The following NEBL variants were observed in gnomAD, a reference collection of about 807,000 sequenced individuals.
NEBL encodes the protein LIM and SH3 protein 2.
Under a neutral mutation model 140.2 loss-of-function variants are expected in NEBL, and 122 were observed. That is an observed-to-expected ratio of 0.87 (90% CI 0.75 to 1.01). The LOEUF is 1.01. NEBL is among the 50% of genes least tolerant of loss of function. NEBL has a pLI of 0.00. For synonymous variants in NEBL, 436 were observed against 398.9 expected, an observed-to-expected ratio of 1.09 and a Z score of -1.11; for missense variants, 1,365 against 1,231.3, an observed-to-expected ratio of 1.11 and a Z score of -1.62.
At chr10:20,913,868 G>T (rs745443387) in intron 4 of NEBL, among the ~76,000 whole-genome samples, 1 of 152,114 alleles carries the variant, frequency 6.6e-6, no homozygotes, top group Non-Finnish European at 1.5e-5. Flanking sequence ...AGCCATTTAT[G>T]TTCAAAAACT....
intron 2 of NEBL, among the ~76,000 whole-genome samples, chr10:21,099,977 A>G (rs1837396343): frequency 6.6e-6 from 1 of 152,230 alleles, no homozygotes; most frequent in African/African-American, 2.4e-5. Context: ...AAAATAAAAT[A>G]AAATAAAAAC....
intron 3 of NEBL, among the ~76,000 whole-genome samples, chr10:21,228,777 C>A (rs1221161244): frequency 6.6e-6 from 1 of 151,976 alleles, no homozygotes; most frequent in South Asian, 2.1e-4. Context: ...GTAATTGTAC[C>A]TTATGAAACC....
chr10:20,937,813 G>A (rs902690736), intron 4 of NEBL, among the ~76,000 whole-genome samples: 1 of 152,050 alleles, frequency 6.6e-6, no homozygotes, highest in African/African-American at 2.4e-5. Flanking sequence ...GGCTCAGAGG[G>A]TCCTACACCC....
intron 18 of NEBL, 125 bp from the exon 19 acceptor site, chr10:20,823,425 C>T (rs1045055854): frequency 1.5e-5 from 10 of 674,770 alleles, no homozygotes; most frequent in Non-Finnish European, 2.4e-5. Context: ...TTTTCCTTCA[C>T]TGGGGACATA....
chr10:21,012,541 T>C (rs1007766020), intron 3 of NEBL, among the ~76,000 whole-genome samples: 1 of 151,620 alleles, frequency 6.6e-6, no homozygotes, highest in Admixed American at 6.6e-5. Context: ...TTTTTATTTG[T>C]TATTTTTTTT....
intron 4 of NEBL, among the ~76,000 whole-genome samples, chr10:20,910,761 C>T (rs546438035): frequency 1.6e-4 from 25 of 152,110 alleles, no homozygotes; most frequent in Non-Finnish European, 2.9e-4. Context: ...AATTCAAAGA[C>T]GAAAACCTCA....
intron 2 of NEBL, chr10:21,029,224 G>T: frequency 6.8e-7 from 1 of 1,478,750 alleles, no homozygotes. Context: ...CCTTCCCACT[G>T]CTCCACCGGC....
chr10:20,894,594 A>G (rs1381251729), intron 2 of NEBL, among the ~76,000 whole-genome samples: 1 of 151,996 alleles, frequency 6.6e-6, no homozygotes, highest in African/African-American at 2.4e-5. Flanking sequence ...TCGGAAGCAA[A>G]ATGTGAATGT....
intron 2 of NEBL, among the ~76,000 whole-genome samples, chr10:21,086,599 G>A (rs1303326300): frequency 6.6e-6 from 1 of 152,058 alleles, no homozygotes; most frequent in African/African-American, 2.4e-5. Context: ...GCAACATGGT[G>A]AAACCCTATC....
At chr10:20,795,009 A>C (rs1020392074) in intron 26 of NEBL, among the ~76,000 whole-genome samples, 8 of 152,238 alleles carry the variant, frequency 5.3e-5, no homozygotes, top group African/African-American at 1.7e-4. Flanking sequence ...ATTTAATGCC[A>C]AAAATCTGAC....
rs149929630 is a variant in NEBL, at chr10:21,031,253, A to G, written c.165-11052T>C. 9.2e-4 allele frequency among the ~76,000 whole-genome samples: 140 copies of G among 152,324 alleles called. No homozygotes were observed. The Middle Eastern group carries it at 0.01, about 11-fold the overall frequency. ...ATGATGAACCCTATGGGGGTCACCC[A>G]TCACCTGCTCACCATGAGAAAGCTG... On this transcript the variant is annotated intron_variant, in intron 2 of 6. Transcript: ENST00000417816.
intron 2 of NEBL, among the ~76,000 whole-genome samples, chr10:21,094,110 A>C (rs1240442363): frequency 6.6e-6 from 1 of 152,172 alleles, no homozygotes; most frequent in Non-Finnish European, 1.5e-5. Flanking sequence ...TAATGCCAAC[A>C]CTTTGGGAGG....
intron 2 of NEBL, among the ~76,000 whole-genome samples, chr10:21,153,523 A>G (rs114272328): frequency 0.014 from 2,162 of 150,758 alleles, 48 homozygotes; most frequent in African/African-American, 0.049. Flanking sequence ...AAACAAATAT[A>G]TATATTATAT....
At chr10:20,910,973 G>T (rs1174000412) in intron 4 of NEBL, among the ~76,000 whole-genome samples, 2 of 151,904 alleles carry the variant, frequency 1.3e-5, no homozygotes, top group Non-Finnish European at 2.9e-5. Context: ...TTCAAGAACA[G>T]CCTGGGCAAC....
intron 2 of NEBL, among the ~76,000 whole-genome samples, chr10:20,893,948 C>T (rs1847233684): frequency 6.6e-6 from 1 of 152,198 alleles, no homozygotes; most frequent in South Asian, 2.1e-4. Context: ...CTTTCTGCAG[C>T]TCCCAAGTCT....
chr10:20,959,476 A>G lies in NEBL; in HGVS notation c.357+2196T>C, dbSNP rs542530656. Among the ~76,000 whole-genome samples the G allele has an allele frequency of 5.9e-5, 9 of 152,238 alleles. No individual in the cohort carries two copies. The South Asian group carries it at 1.9e-3, about 32-fold the overall frequency. On this transcript the variant is annotated intron_variant, in intron 4 of 6. Coordinates refer to the NEBL transcript ENST00000417816. ...AGATTAAAGTAATATGGAAAACTGG[A>G]CTTGCCAAAGTACTACTTTTTGGAT...
intron 2 of NEBL, among the ~76,000 whole-genome samples, chr10:21,058,135 A>G (rs2131870294): frequency 6.6e-6 from 1 of 152,316 alleles, no homozygotes; most frequent in South Asian, 2.1e-4. Flanking sequence ...CTTTCATTCC[A>G]GGGGTTTTGG....
chr10:21,209,004 C>G (rs1032954780), intron 3 of NEBL, among the ~76,000 whole-genome samples: 15 of 152,096 alleles, frequency 9.9e-5, no homozygotes, highest in African/African-American at 3.6e-4. Context: ...TTTTATACAG[C>G]AAGGAATCTG....
intron 2 of NEBL, among the ~76,000 whole-genome samples, chr10:21,081,244 T>G (rs1836355140): frequency 6.6e-6 from 1 of 152,084 alleles, no homozygotes; most frequent in African/African-American, 2.4e-5. Context: ...TTCCACTGTG[T>G]TTTTCTAAGC....
Sources: allele counts gnomAD v4.1 joint callset (sites outside exome capture counted in the v4.1 genomes callset), GRCh38; gene constraint gnomAD v4.1.1; transcripts MANE v1.5; gene names NCBI Gene and HGNC (gene_info 2026-07-23, HGNC 2026-07-21).